ANKIB1: variants seen among roughly 807,000 people sequenced by gnomAD.
ANKIB1 encodes ankyrin repeat and IBR domain-containing protein 1.
A neutral mutation model predicts 122.1 loss-of-function variants in ANKIB1; 43 were observed. That is an observed-to-expected ratio of 0.35 (90% CI 0.28 to 0.45). ANKIB1 has a LOEUF of 0.45. Ranked by LOEUF, ANKIB1 falls within the 20% of genes least tolerant of loss-of-function variation. The pLI, the probability that ANKIB1 is intolerant of heterozygous loss-of-function variation, is 1.00. For missense variants in ANKIB1, 992 were observed against 1,329.5 expected, an observed-to-expected ratio of 0.75 and a Z score of 3.95; for synonymous variants, 390 against 442.0, an observed-to-expected ratio of 0.88 and a Z score of 1.48.
intron 11 of ANKIB1, among the ~76,000 whole-genome samples, chr7:92,371,967 G>A (rs1804270368): frequency 7.9e-6 from 1 of 126,606 alleles, no homozygotes; most frequent in African/African-American, 3.4e-5. Context: ...GTGTGTGTGT[G>A]TGTGTGTGTG....
At chr7:92,362,127 A>C in intron 9 of ANKIB1, 58 bp from the exon 10 acceptor site, 1 of 1,493,610 alleles carries the variant, frequency 6.7e-7, no homozygotes, top group Non-Finnish European at 9.1e-7. Context: ...CACTTTTTTT[A>C]CCTTGATGTT....
Position 92,385,270 on chromosome 7 carries a change from T to C in ANKIB1, c.1618-1239T>C, listed in dbSNP as rs147591755. ...GGATGTGGAAAAATAGGAACGCTTT[T>C]ACACTGTTAGTGGGAGTGTAAACTA... On this transcript the variant is annotated intron_variant, in intron 11 of 19. Transcript: ENST00000265742. Among the ~76,000 whole-genome samples, 796 of 152,344 alleles carry C rather than the reference T, an allele frequency of 5.2e-3. 6 individuals carry two copies. The highest frequency in any genetic ancestry group is 8.5e-3 in the Non-Finnish European group (581 of 68,034).
At chr7:92,303,117 A>G (rs1014212843) in intron 2 of ANKIB1, among the ~76,000 whole-genome samples, 11 of 152,200 alleles carry the variant, frequency 7.2e-5, no homozygotes, top group African/African-American at 2.7e-4. Context: ...ATGGGGTCAG[A>G]TGAGAAGTCA....
intron 2 of ANKIB1, among the ~76,000 whole-genome samples, chr7:92,305,529 T>C (rs1802542174): frequency 6.6e-6 from 1 of 152,126 alleles, no homozygotes; most frequent in Admixed American, 6.5e-5. Context: ...GGTAAAAAAG[T>C]ATGATAAAAT....
At chr7:92,306,683 C>A (rs1270797284) in intron 2 of ANKIB1, among the ~76,000 whole-genome samples, 10 of 152,190 alleles carry the variant, frequency 6.6e-5, no homozygotes, top group South Asian at 2.1e-4. Context: ...CTTGGACTTA[C>A]CAGCGTCCAC....
chr7:92,286,480 T>G (rs1035590687), intron 1 of ANKIB1, among the ~76,000 whole-genome samples: 1 of 66,894 alleles, frequency 1.5e-5, no homozygotes. Context: ...ATTATCCGTA[T>G]TTTTTTTTTT....
intron 1 of ANKIB1, among the ~76,000 whole-genome samples, chr7:92,256,793 C>T (rs139053135): frequency 6.6e-6 from 1 of 152,190 alleles, no homozygotes; most frequent in African/African-American, 2.4e-5. Context: ...TGATTTTCAA[C>T]TTGGAATACC....
At chr7:92,338,709 C>G (rs150423769) in intron 5 of ANKIB1, among the ~76,000 whole-genome samples, 3,716 of 150,468 alleles carry the variant, frequency 0.025, 165 homozygotes, top group African/African-American at 0.086. Context: ...GTCAGGAGTT[C>G]AAGACCAGCC....
chr7:92,286,677 C>T (rs1244510791), intron 1 of ANKIB1, among the ~76,000 whole-genome samples: 8 of 152,184 alleles, frequency 5.3e-5, no homozygotes, highest in Admixed American at 5.2e-4. Context: ...TGGGGTTTCA[C>T]CATGTTGGTC....
chr7:92,336,730 T>C (rs1190511162), intron 5 of ANKIB1, among the ~76,000 whole-genome samples: 1 of 152,168 alleles, frequency 6.6e-6, no homozygotes, highest in East Asian at 1.9e-4. Context: ...TTTCTGTCGT[T>C]GTGCCAAATG....
intron 1 of ANKIB1, among the ~76,000 whole-genome samples, chr7:92,292,733 C>G (rs1465193619): frequency 1.3e-5 from 2 of 152,092 alleles, no homozygotes; most frequent in Non-Finnish European, 2.9e-5. Context: ...TAAATAAAAA[C>G]TTAACTATGT....
chr7:92,322,853 C>G (rs898824890), intron 4 of ANKIB1, among the ~76,000 whole-genome samples: 45 of 152,244 alleles, frequency 3.0e-4, no homozygotes, highest in African/African-American at 1.1e-3. Flanking sequence ...AATACAGATT[C>G]TAGAGCCAGA....
intron 17 of ANKIB1, 49 bp downstream of exon 17, chr7:92,392,341 C>A: frequency 6.6e-7 from 1 of 1,510,202 alleles, no homozygotes. Context: ...TTAGTGCAGT[C>A]GTGCTTGCAT....
chr7:92,373,831 T>TA (rs1804324320), intron 11 of ANKIB1, among the ~76,000 whole-genome samples: 1 of 150,448 alleles, frequency 6.6e-6, no homozygotes, highest in Non-Finnish European at 1.5e-5. Flanking sequence ...TTTCTTCCCC[T>TA]AAAAATAAGC....
intron 16 of ANKIB1, 73 bp downstream of exon 16, chr7:92,391,417 A>G (rs1437526006): frequency 2.3e-6 from 3 of 1,295,902 alleles, no homozygotes; most frequent in East Asian, 2.7e-5. Flanking sequence ...TTTTTATCCA[A>G]CTAGGGTTCA....
At position 92,351,022 on chromosome 7, in the gene ANKIB1, T is replaced by C. The variant is rs1337184745; in HGVS notation, c.1158T>C (p.Leu386=). 1 of 1,603,598 alleles carries C rather than the reference T, an allele frequency of 6.2e-7. No homozygotes were observed. Among genetic ancestry groups the C allele is most frequent in the Non-Finnish European group, 8.5e-7 (1 of 1,174,624 alleles). The part of the protein sequence containing the change: ...IFCPAYDCFQ[L]VPVDIIESVV... ...GCCCTGCATATGATTGCTTCCAACT[T>C]GTACCTGTGGATATCATAGAAAGTG... The change falls in exon 8 of 20, where the codon CTT becomes CTC. Residue 386 remains leucine, a synonymous_variant. Transcript: ENST00000265742.
intron 2 of ANKIB1, among the ~76,000 whole-genome samples, chr7:92,305,446 G>T (rs1802540928): frequency 6.6e-6 from 1 of 152,144 alleles, no homozygotes. Flanking sequence ...CACTGTGTTG[G>T]GGATTCAAGA....
intron 5 of ANKIB1, among the ~76,000 whole-genome samples, chr7:92,331,659 G>A (rs1035521792): frequency 6.6e-6 from 1 of 152,132 alleles, no homozygotes; most frequent in East Asian, 1.9e-4. Flanking sequence ...AAAAGAGCCT[G>A]AAGGAACAAT....
At chr7:92,389,536 T>C (rs2115704384) in intron 14 of ANKIB1, among the ~76,000 whole-genome samples, 1 of 152,258 alleles carries the variant, frequency 6.6e-6, no homozygotes, top group East Asian at 1.9e-4. Context: ...ACGGTATTGG[T>C]TTTGCATAAT....
Sources: gnomAD v4.1 joint callset for allele counts (sites outside exome capture counted in the v4.1 genomes callset) on GRCh38, gnomAD v4.1.1 for gene constraint, MANE v1.5 for transcripts, NCBI Gene and HGNC (gene_info 2026-07-23, HGNC 2026-07-21) for gene names.